BICRAL: variants seen among roughly 807,000 people sequenced by gnomAD.
BICRAL encodes BRD4-interacting chromatin-remodeling complex-associated protein-like.
Under a neutral mutation model 91.8 loss-of-function variants are expected in BICRAL, and 8 were observed. That is an observed-to-expected ratio of 0.09 (90% CI 0.05 to 0.16). BICRAL has a LOEUF of 0.16. BICRAL is among the 10% of genes least tolerant of loss of function. The pLI, the probability that BICRAL is intolerant of heterozygous loss-of-function variation, is 1.00. For synonymous variants in BICRAL, 445 were observed against 491.1 expected (o/e 0.91, Z 1.24); for missense variants, 1,038 against 1,310.9 (o/e 0.79, Z 3.21).
intron 12 of BICRAL, 58 bp from the exon 13 acceptor site, chr6:42,864,601 C>A: frequency 7.0e-7 from 1 of 1,425,758 alleles, no homozygotes; most frequent in Non-Finnish European, 9.7e-7. Flanking sequence ...TGAAGTTCTG[C>A]TGTATAGTCT....
chr6:42,822,738 T>C, intron 3 of BICRAL, 58 bp from the exon 4 acceptor site: 1 of 912,474 alleles, frequency 1.1e-6, no homozygotes, highest in Non-Finnish European at 1.8e-6. Context: ...AAATTAGTTC[T>C]AAATATAGAT....
intron 5 of BICRAL, among the ~76,000 whole-genome samples, chr6:42,826,231 CTTT>C (rs763034286): frequency 6.8e-5 from 8 of 116,862 alleles, no homozygotes; most frequent in African/African-American, 6.0e-5. Context: ...AACTCATGTT[CTTT>C]TTTTTTTTTT....
chr6:42,848,176 C>T (rs1433321761), intron 6 of BICRAL, among the ~76,000 whole-genome samples: 1 of 150,474 alleles, frequency 6.6e-6, no homozygotes, highest in Non-Finnish European at 1.5e-5. Flanking sequence ...CGCTTGAACC[C>T]GGGAGGCAGA....
At chr6:42,858,057 C>T (rs1190828080) in intron 10 of BICRAL, among the ~76,000 whole-genome samples, 8 of 148,564 alleles carry the variant, frequency 5.4e-5, no homozygotes, top group Non-Finnish European at 1.2e-4. Context: ...GTGATTGGCC[C>T]GCCTCAGCCT....
chr6:42,789,639 C>CAAA (rs11334649), intron 1 of BICRAL, among the ~76,000 whole-genome samples: 14 of 110,018 alleles, frequency 1.3e-4, no homozygotes, highest in African/African-American at 3.5e-4. Flanking sequence ...TAGACTGTCT[C>CAAA]AAAAAAAAAA....
At chr6:42,810,956 C>T (rs1324540231) in intron 2 of BICRAL, among the ~76,000 whole-genome samples, 1 of 152,144 alleles carries the variant, frequency 6.6e-6, no homozygotes, top group African/African-American at 2.4e-5. Context: ...CTCCCTTTCT[C>T]CTATTCTCCC....
chr6:42,770,412 A>ATTTTTTTT (rs531644287), intron 1 of BICRAL, among the ~76,000 whole-genome samples: 2 of 126,226 alleles, frequency 1.6e-5, no homozygotes, highest in Admixed American at 7.9e-5. Context: ...TATTATTATT[A>ATTTTTTTT]TTTTTTTTTT....
chr6:42,755,247 A>G (rs946098702), intron 1 of BICRAL, among the ~76,000 whole-genome samples: 2 of 152,140 alleles, frequency 1.3e-5, no homozygotes, highest in African/African-American at 4.8e-5. Context: ...AGAGCTTCCC[A>G]GGTGGGGCAA....
At chr6:42,806,596 T>G (rs1213241044) in intron 1 of BICRAL, among the ~76,000 whole-genome samples, 1 of 149,284 alleles carries the variant, frequency 6.7e-6, no homozygotes, top group Non-Finnish European at 1.5e-5. Flanking sequence ...CACTGCAACC[T>G]CCACCTCCCA....
At chr6:42,811,623 GA>G (rs34979167) in intron 2 of BICRAL, among the ~76,000 whole-genome samples, 7,180 of 84,696 alleles carry the variant, frequency 0.085, 183 homozygotes, top group African/African-American at 0.14. Context: ...CCATCTCAAA[GA>G]AAAAAAAAAA....
At chr6:42,783,135 T>TTTCCGC (rs1554275538) in intron 1 of BICRAL, among the ~76,000 whole-genome samples, 1 of 150,668 alleles carries the variant, frequency 6.6e-6, no homozygotes, top group Non-Finnish European at 1.5e-5. Flanking sequence ...CCCGGCCCCG[T>TTTCCGC]TCCCGCTCCC....
At chr6:42,838,591 A>G (rs1020256351) in intron 6 of BICRAL, among the ~76,000 whole-genome samples, 4 of 152,188 alleles carry the variant, frequency 2.6e-5, no homozygotes, top group African/African-American at 9.6e-5. Flanking sequence ...TGAATATTAT[A>G]TTGATAGTCA....
upstream of BICRAL, among the ~76,000 whole-genome samples, chr6:42,781,596 G>GGGGTGT (rs1554275298): frequency 9.7e-6 from 1 of 103,478 alleles, no homozygotes; most frequent in African/African-American, 3.7e-5. Context: ...TGGGTGGGTG[G>GGGGTGT]GTGTGTGTGT....
At chr6:42,853,519 A>G in intron 7 of BICRAL, 119 bp from the exon 8 acceptor site, 1 of 698,472 alleles carries the variant, frequency 1.4e-6, no homozygotes, top group Admixed American at 2.4e-5. Flanking sequence ...GCAAGCAGCC[A>G]TGATAAAGAA....
At chr6:42,849,633 G>T (rs1001834702) in intron 6 of BICRAL, among the ~76,000 whole-genome samples, 20 of 151,124 alleles carry the variant, frequency 1.3e-4, no homozygotes, top group African/African-American at 4.9e-4. Context: ...TAGAGACAGG[G>T]TTTCACCGAG....
chr6:42,848,517 T>C (rs1322997768), intron 6 of BICRAL, among the ~76,000 whole-genome samples: 2 of 152,256 alleles, frequency 1.3e-5, no homozygotes, highest in Admixed American at 1.3e-4. Flanking sequence ...ATAGAACACA[T>C]TCAGGAAATG....
chr6:42,750,830 A>G (rs1762365527), intron 1 of BICRAL, among the ~76,000 whole-genome samples: 1 of 143,462 alleles, frequency 7.0e-6, no homozygotes, highest in Non-Finnish European at 1.5e-5. Flanking sequence ...CGCCTGCCTC[A>G]GCCTCCCAAA....
At chr6:42,776,737 G>A (rs935485769) in intron 1 of BICRAL, among the ~76,000 whole-genome samples, 1 of 152,102 alleles carries the variant, frequency 6.6e-6, no homozygotes, top group Admixed American at 6.6e-5. Flanking sequence ...TTACAGATGA[G>A]GAAACTTAGG....
At chr6:42,759,605 CAG>C (rs1490564549) in intron 1 of BICRAL, among the ~76,000 whole-genome samples, 4 of 152,188 alleles carry the variant, frequency 2.6e-5, no homozygotes, top group African/African-American at 9.7e-5. Flanking sequence ...TGGTACCTGA[CAG>C]AGTGAACCTG....
Sources: allele counts gnomAD v4.1 joint callset (sites outside exome capture counted in the v4.1 genomes callset), GRCh38; gene constraint gnomAD v4.1.1; transcripts MANE v1.5; gene names NCBI Gene and HGNC (gene_info 2026-07-23, HGNC 2026-07-21).